RHOD: variants seen among roughly 807,000 people sequenced by gnomAD.
RHOD encodes ras homolog family member D.
Under a neutral mutation model 16.7 loss-of-function variants are expected in RHOD, and 11 were observed. That is an observed-to-expected ratio of 0.66 (90% CI 0.41 to 1.09). The LOEUF (loss-of-function observed/expected upper bound fraction) is 1.09, where lower values mean the gene tolerates loss of function less well. RHOD is among the 50% of genes least tolerant of loss of function. The probability of loss-of-function intolerance (pLI) is 0.00; values close to 1 mark genes in which losing one functional copy is unlikely to be tolerated. For synonymous variants in RHOD, 124 were observed against 126.3 expected (o/e 0.98, Z 0.12); for missense variants, 271 against 291.7 (o/e 0.93, Z 0.52).
intron 1 of RHOD, among the ~76,000 whole-genome samples, chr11:67,057,268 G>C (rs1375340877): frequency 6.6e-6 from 1 of 152,264 alleles, no homozygotes; most frequent in Non-Finnish European, 1.5e-5. Context: ...CACAAGGACT[G>C]AGTGAGGCGA....
At chr11:67,069,774 C>G (rs1855003189) in intron 3 of RHOD, among the ~76,000 whole-genome samples, 1 of 152,168 alleles carries the variant, frequency 6.6e-6, no homozygotes, top group Non-Finnish European at 1.5e-5. Context: ...CTCCCTGCAA[C>G]CTCCGCCTCC....
chr11:67,059,952 T>C (rs1391202166), intron 1 of RHOD, among the ~76,000 whole-genome samples: 2 of 152,234 alleles, frequency 1.3e-5, no homozygotes, highest in African/African-American at 4.8e-5. Flanking sequence ...CATCTGGCTG[T>C]GACCCAACCC....
At chr11:67,058,904 G>C (rs1373567211) in intron 1 of RHOD, among the ~76,000 whole-genome samples, 2 of 152,128 alleles carry the variant, frequency 1.3e-5, no homozygotes, top group African/African-American at 2.4e-5. Context: ...TGCTGCCCAT[G>C]GGAACCCAAC....
At position 67,062,639 on chromosome 11, in the gene RHOD, G is replaced by A. The variant is rs557532466; in HGVS notation, c.133-3257G>A. 2.0e-5 allele frequency among the ~76,000 whole-genome samples: 3 copies of A among 152,358 alleles called. No individual in the cohort carries two copies. The East Asian group carries it at 5.8e-4, about 29-fold the overall frequency. On this transcript the variant is annotated intron_variant, in intron 1 of 4. Transcript: ENST00000308831. The stretch of plus-strand genomic sequence containing the variant: ...CCCCACTCCCTGCAGCTTCCCTGGA[G>A]GACGGTGCTGACCCACTGCTCAGGT...
At chr11:67,061,652 C>CAAAAAAAAAAAAAAAAAAAAAAAAA (rs1854888187) in intron 1 of RHOD, among the ~76,000 whole-genome samples, 1 of 132,296 alleles carries the variant, frequency 7.6e-6, no homozygotes, top group South Asian at 2.5e-4. Flanking sequence ...AAAAAAAAAT[C>CAAAAAAAAAAAAAAAAAAAAAAAAA]AAACCCGGGA....
intron 4 of RHOD, among the ~76,000 whole-genome samples, chr11:67,071,191 G>A (rs192712499): frequency 2.0e-5 from 3 of 152,174 alleles, no homozygotes; most frequent in Admixed American, 1.3e-4. Context: ...AGCTGAGATC[G>A]CACCACTGCA....
intron 1 of RHOD, among the ~76,000 whole-genome samples, chr11:67,061,751 A>G (rs1446533377): frequency 7.3e-6 from 1 of 136,166 alleles, no homozygotes; most frequent in Non-Finnish European, 1.6e-5. Flanking sequence ...AAAAAAAAAA[A>G]AAAAATATAT....
rs189829976 is a variant in RHOD, at chr11:67,062,504, G to T, written c.133-3392G>T. Among the ~76,000 whole-genome samples the T allele has an allele frequency of 9.2e-5, 14 of 152,308 alleles. No homozygotes were observed. In the East Asian group the frequency reaches 2.7e-3, roughly 29 times the overall value. ...GTTCCTGTTGGTTCCTTTTGGTAGA[G>T]GGAGTGATAGCATGTCTAGAGTCTG... On this transcript the variant is annotated intron_variant, in intron 1 of 4. Transcript: ENST00000308831.
chr11:67,071,434 G>A lies in RHOD; in HGVS notation c.466-1G>A, dbSNP rs1269699347. Reference sequence around the variant, plus strand: ...GCAGCCCCATCCACCTCTCCCTCTAGGGCCAGGAGATGGCGAGGTCCGTGG... The same window carrying A: ...GCAGCCCCATCCACCTCTCCCTCTAAGGCCAGGAGATGGCGAGGTCCGTGG... On this transcript the variant is annotated splice_acceptor_variant, in intron 4 of 4. Transcript: ENST00000308831. LOFTEE classifies it high-confidence loss of function. 5.0e-6 allele frequency: 8 copies of A among 1,586,442 alleles called. No individual in the cohort carries two copies. Among genetic ancestry groups the A allele is most frequent in the Non-Finnish European group, 6.9e-6 (8 of 1,166,828 alleles).
In RHOD at chr11:67,066,823, C is replaced by G. The variant is rs757893869; in HGVS notation, c.306C>G (p.Asn102Lys). 56 of 1,613,156 alleles carry G rather than the reference C, an allele frequency of 3.5e-5. No individual in the cohort carries two copies. Among genetic ancestry groups the G allele is most frequent in the Non-Finnish European group, 4.7e-5 (55 of 1,179,222 alleles). Residue 102 changes from asparagine to lysine, a missense_variant, in exon 3 of 5, where the codon AAC (asparagine) becomes AAG (lysine). Asn to Lys is a moderately conservative substitution (Grantham distance 94). Coordinates refer to ENST00000308831, the MANE Select transcript of RHOD (RefSeq NM_014578.4). ...LLLCFDVTSP[N>K]SFDNIFNRWY... ...TTTGCTTCGATGTCACCAGCCCGAA[C>G]AGCTTTGACAACATCTTTAACCGGG...
chr11:67,064,813 G>A (rs1207420648), intron 1 of RHOD, among the ~76,000 whole-genome samples: 6 of 152,116 alleles, frequency 3.9e-5, no homozygotes, highest in African/African-American at 1.2e-4. Context: ...GGAGGCAGAG[G>A]CAGGAGGATT....
intron 1 of RHOD, among the ~76,000 whole-genome samples, chr11:67,061,844 G>GTA (rs1197866161): frequency 3.8e-4 from 53 of 140,746 alleles, no homozygotes; most frequent in African/African-American, 1.2e-3. Flanking sequence ...GTGTGTGTGT[G>GTA]TATATATATA....
chr11:67,071,687 C>G lies in RHOD; in HGVS notation c.*85C>G, dbSNP rs1855033900. ...GGCTGGGCTGGACCCGGTCCCTAGGCTGTGACCGCCGAACTCCACTGCAAC... is the reference window on the plus strand; with the variant it reads ...GGCTGGGCTGGACCCGGTCCCTAGGGTGTGACCGCCGAACTCCACTGCAAC... On this transcript the variant is annotated 3_prime_UTR_variant, in exon 5 of 5. Transcript: ENST00000308831. The G allele has an allele frequency of 1.5e-6, 2 of 1,345,086 alleles. No individual in the cohort carries two copies. The highest frequency in any genetic ancestry group is 5.3e-5 in the Admixed American group (2 of 37,728). The allele number at this position is 1,345,086 out of a possible 1,614,324, so 83.3% of individuals were successfully genotyped here. A position where few individuals can be genotyped will look rare whatever the true frequency, so the allele number is the denominator to read the frequency against.
chr11:67,057,973 G>T (rs1206691691), intron 1 of RHOD, among the ~76,000 whole-genome samples: 2 of 152,208 alleles, frequency 1.3e-5, no homozygotes, highest in African/African-American at 2.4e-5. Flanking sequence ...CCATGGAGTT[G>T]CTTCCAGCAT....
At chr11:67,058,779 C>T (rs1854850007) in intron 1 of RHOD, among the ~76,000 whole-genome samples, 2 of 152,212 alleles carry the variant, frequency 1.3e-5, no homozygotes, top group Admixed American at 1.3e-4. Flanking sequence ...CATGTGCTTT[C>T]TGCTGCAGTG....
At position 67,070,453 on chromosome 11, in the gene RHOD, A is replaced by T. The variant is rs372853389; in HGVS notation, c.359A>T (p.Lys120Met). The change falls in exon 4 of 5, where the codon AAG becomes ATG. Residue 120 changes from lysine to methionine, a missense_variant. Physicochemically the swap from Lys to Met is moderately conservative, Grantham distance 95. Coordinates refer to ENST00000308831, the MANE Select transcript of RHOD (RefSeq NM_014578.4). ...RWYPEVNHFC[K>M]KVPIIVVGCK... ...TACCCAGAAGTGAATCATTTCTGCA[A>T]GAAGGTACCCATCATCGTCGTGGGC... 2 of 1,613,932 alleles carry T rather than the reference A, an allele frequency of 1.2e-6. No individual in the cohort carries two copies. Among genetic ancestry groups the T allele is most frequent in the South Asian group, 2.2e-5 (2 of 91,072 alleles).
chr11:67,066,998 T>A (rs1363151231), intron 3 of RHOD, 151 bp downstream of exon 3: 2 of 652,918 alleles, frequency 3.1e-6, no homozygotes, highest in African/African-American at 1.8e-5. Flanking sequence ...AAACTGAGGC[T>A]CAGAGTGGGG....
At chr11:67,068,210 AG>A (rs2136249048) in intron 3 of RHOD, among the ~76,000 whole-genome samples, 1 of 152,334 alleles carries the variant, frequency 6.6e-6, no homozygotes, top group South Asian at 2.1e-4. Flanking sequence ...TCCGGCAGGC[AG>A]TGCGATGCAT....
chr11:67,063,962 C>T (rs1393366709), intron 1 of RHOD, among the ~76,000 whole-genome samples: 2 of 149,706 alleles, frequency 1.3e-5, no homozygotes, highest in South Asian at 2.1e-4. Flanking sequence ...AAAAATTAGC[C>T]GGGTATGGTG....
Sources: gnomAD v4.1 joint callset for allele counts (sites outside exome capture counted in the v4.1 genomes callset) on GRCh38, gnomAD v4.1.1 for gene constraint, MANE v1.5 for transcripts, NCBI Gene and HGNC (gene_info 2026-07-23, HGNC 2026-07-21) for gene names.